SHANK2: variants seen among roughly 807,000 people sequenced by gnomAD.
The protein encoded by SHANK2 is SH3 and multiple ankyrin repeat domains 2, also known as SH3 and multiple ankyrin repeat domains protein 2.
A neutral mutation model predicts 133.7 loss-of-function variants in SHANK2; 43 were observed. The observed-to-expected ratio is 0.32, with a 90% CI of 0.25 to 0.41. SHANK2 has a LOEUF of 0.41. Ranked by LOEUF, SHANK2 falls within the 10% of genes least tolerant of loss-of-function variation. The pLI is 1.00. For missense variants in SHANK2, 1,994 were observed against 2,235.8 expected, an observed-to-expected ratio of 0.89 and a Z score of 2.18; for synonymous variants, 1,017 against 952.8, an observed-to-expected ratio of 1.07 and a Z score of -1.24.
At chr11:70,941,919 T>TGTG (rs1565419007) in intron 10 of SHANK2, among the ~76,000 whole-genome samples, 1 of 151,832 alleles carries the variant, frequency 6.6e-6, no homozygotes, top group East Asian at 1.9e-4. Flanking sequence ...GAGGGCTGTG[T>TGTG]GTGGTGACTC....
intron 2 of SHANK2, among the ~76,000 whole-genome samples, chr11:71,173,611 A>G (rs1953362725): frequency 6.6e-6 from 1 of 152,246 alleles, no homozygotes. Flanking sequence ...CAACTATTCC[A>G]AAACATGCTG....
chr11:71,097,144 A>T lies in SHANK2; in HGVS notation c.593-2456T>A, dbSNP rs1007964163. 2.6e-5 allele frequency among the ~76,000 whole-genome samples: 4 copies of T among 152,120 alleles called. No individual in the cohort carries two copies. The South Asian group carries it at 8.3e-4, about 32-fold the overall frequency. On this transcript the variant is annotated intron_variant, in intron 6 of 25. Transcript: ENST00000601538. ...CTCAAGGGTTCCGGAATCCCTCCTC[A>T]AGTGATGTTCCAGACTTGCATGTTC...
chr11:70,751,696 T>C (rs923085938), intron 14 of SHANK2, among the ~76,000 whole-genome samples: 2 of 152,218 alleles, frequency 1.3e-5, no homozygotes, highest in African/African-American at 4.8e-5. Context: ...TCAATATATG[T>C]GGGTTTAATA....
chr11:70,822,754 T>G, intron 11 of SHANK2, among the ~76,000 whole-genome samples: 2 of 83,556 alleles, frequency 2.4e-5, no homozygotes, highest in African/African-American at 5.0e-5. Flanking sequence ...GGGACAGAGG[T>G]GGCGCTGGCA....
chr11:70,912,729 C>T (rs1950213970), intron 10 of SHANK2, among the ~76,000 whole-genome samples: 1 of 152,194 alleles, frequency 6.6e-6, no homozygotes. Flanking sequence ...GGCACTCACC[C>T]CCAGACTTCC....
Position 70,513,325 on chromosome 11 carries a change from G to A in SHANK2, c.2062-10394C>T, listed in dbSNP as rs569681956. The stretch of plus-strand genomic sequence containing the variant: ...TATTCTGTGTGTAAACTTCTCATAG[G>A]TCTTTGGTTGATGTCTGAGCTGAGC... On this transcript the variant is annotated intron_variant, in intron 17 of 25. Coordinates refer to ENST00000601538, the MANE Select transcript of SHANK2 (RefSeq NM_012309.5). Among the ~76,000 whole-genome samples the A allele has an allele frequency of 5.3e-5, 8 of 152,280 alleles. 1 individual carries two copies. In the South Asian group the frequency reaches 1.7e-3, roughly 32 times the overall value.
intron 17 of SHANK2, among the ~76,000 whole-genome samples, chr11:70,523,558 G>A (rs891966749): frequency 3.9e-5 from 6 of 152,240 alleles, no homozygotes; most frequent in Middle Eastern, 3.4e-3. Flanking sequence ...GTGCTGCCCC[G>A]AAGCCCTGTA....
At chr11:70,629,211 T>G (rs533052896) in intron 17 of SHANK2, among the ~76,000 whole-genome samples, 47 of 152,178 alleles carry the variant, frequency 3.1e-4, no homozygotes, top group Admixed American at 7.2e-4. Context: ...TAGAGAGCCT[T>G]GGGTGTGTTC....
At chr11:71,167,097 G>T (rs1287085385) in intron 2 of SHANK2, among the ~76,000 whole-genome samples, 1 of 151,774 alleles carries the variant, frequency 6.6e-6, no homozygotes, top group Admixed American at 6.6e-5. Context: ...GATAGCACAG[G>T]GTTGGGGGTA....
At chr11:70,539,214 A>G (rs1242630820) in intron 17 of SHANK2, among the ~76,000 whole-genome samples, 1 of 152,232 alleles carries the variant, frequency 6.6e-6, no homozygotes, top group Non-Finnish European at 1.5e-5. Flanking sequence ...CCCAGGATGC[A>G]ACAGCACCGA....
rs368552323 is a variant in SHANK2, at chr11:70,767,405, C to T, written c.1777+31038G>A. ...AGGTAAGCATATCCTTACATATGGA[C>T]GTTCACAGCCGCACCACTCACAGAT... On this transcript the variant is annotated intron_variant, in intron 14 of 25. Transcript: ENST00000601538. Among the ~76,000 whole-genome samples the T allele has an allele frequency of 1.2e-3, 182 of 152,312 alleles. 3 individuals are homozygous for T. Among genetic ancestry groups the T allele is most frequent in the African/African-American group, 4.0e-3 (168 of 41,568 alleles).
At chr11:70,907,720 T>C (rs535255364) in intron 10 of SHANK2, 1 of 281,724 alleles carries the variant, frequency 3.5e-6, no homozygotes, top group South Asian at 3.2e-5. Context: ...GAAATCTACA[T>C]AATCATCTTT....
At chr11:71,204,739 C>T (rs899614362) in intron 2 of SHANK2, among the ~76,000 whole-genome samples, 4 of 152,178 alleles carry the variant, frequency 2.6e-5, no homozygotes, top group Non-Finnish European at 5.9e-5. Flanking sequence ...ACCAAGAATG[C>T]ACTCATTCTG....
chr11:71,233,609 G>A (rs1181932105), intron 1 of SHANK2, among the ~76,000 whole-genome samples: 1 of 152,210 alleles, frequency 6.6e-6, no homozygotes, highest in African/African-American at 2.4e-5. Flanking sequence ...TTTTCAAAGG[G>A]TGAATCACAA....
At chr11:70,503,057 A>T (rs1272759210) in intron 17 of SHANK2, 126 bp from the exon 18 acceptor site, 1 of 1,035,548 alleles carries the variant, frequency 9.7e-7, no homozygotes, top group Non-Finnish European at 1.5e-6. Flanking sequence ...AAAGGGAGTG[A>T]GACCGTCATC....
chr11:71,193,460 C>T (rs949432071), intron 2 of SHANK2, among the ~76,000 whole-genome samples: 1 of 152,184 alleles, frequency 6.6e-6, no homozygotes, highest in Non-Finnish European at 1.5e-5. Flanking sequence ...TTGCGCTGGA[C>T]GTGCAAACAT....
chr11:70,601,917 A>G (rs2060503144), intron 17 of SHANK2, among the ~76,000 whole-genome samples: 1 of 152,210 alleles, frequency 6.6e-6, no homozygotes, highest in African/African-American at 2.4e-5. Context: ...GAGACCTGCC[A>G]CCCAGGTGGC....
chr11:70,537,584 G>A (rs757982331), intron 17 of SHANK2, among the ~76,000 whole-genome samples: 51 of 152,332 alleles, frequency 3.3e-4, no homozygotes, highest in Non-Finnish European at 5.7e-4. Context: ...TGCCACACCT[G>A]GCTGCAGCCC....
chr11:71,190,663 G>A (rs571169079), intron 2 of SHANK2, among the ~76,000 whole-genome samples: 64 of 152,290 alleles, frequency 4.2e-4, no homozygotes, highest in Admixed American at 1.5e-3. Flanking sequence ...AGTGTGTGAC[G>A]TCCTGCAGGC....
Sources: gnomAD v4.1 joint callset for allele counts (sites outside exome capture counted in the v4.1 genomes callset) on GRCh38, gnomAD v4.1.1 for gene constraint, MANE v1.5 for transcripts, NCBI Gene and HGNC (gene_info 2026-07-23, HGNC 2026-07-21) for gene names.